The following CASK variants were observed in gnomAD, a reference collection of about 807,000 sequenced individuals.
The protein encoded by CASK is peripheral plasma membrane protein CASK.
A neutral mutation model predicts 82.9 loss-of-function variants in CASK; 4 were observed. The ratio of observed to expected loss-of-function variants is 0.05; its 90% CI spans 0.02 to 0.11. The LOEUF (loss-of-function observed/expected upper bound fraction) is 0.11. CASK is among the 10% of genes least tolerant of loss of function. The pLI, the probability that CASK is intolerant of heterozygous loss-of-function variation, is 1.00. For missense variants in CASK, 358 were observed against 720.9 expected (o/e 0.50, Z 5.76); for synonymous variants, 259 against 253.5 (o/e 1.02, Z -0.20).
intron 10 of CASK, among the ~76,000 whole-genome samples, chrX:41,626,197 C>T (rs368495115): frequency 9.1e-6 from 1 of 110,225 alleles, no homozygotes; most frequent in Non-Finnish European, 1.9e-5. Flanking sequence ...CCATTCAAAG[C>T]AGTGCTGCCC....
intron 22 of CASK, among the ~76,000 whole-genome samples, chrX:41,541,674 C>G (rs1051963865): frequency 8.9e-6 from 1 of 112,068 alleles, no homozygotes; most frequent in African/African-American, 3.2e-5. Flanking sequence ...GAGAAATGAA[C>G]AATTCAGAGT....
chrX:41,584,817 A>G (rs2065633643), intron 14 of CASK: 1 of 112,373 alleles, frequency 8.9e-6, no homozygotes, highest in Non-Finnish European at 1.9e-5. Flanking sequence ...CTGGGGAAAC[A>G]CAGCACATAT....
At chrX:41,812,826 G>A (rs930036673) in intron 2 of CASK, among the ~76,000 whole-genome samples, 1 of 111,788 alleles carries the variant, frequency 8.9e-6, no homozygotes, top group African/African-American at 3.3e-5. Flanking sequence ...TGACATGATT[G>A]TATGTTTAGA....
chrX:41,858,230 G>A (rs531091808), intron 1 of CASK, among the ~76,000 whole-genome samples: 89 of 112,247 alleles, frequency 7.9e-4, no homozygotes, highest in East Asian at 2.8e-4. Context: ...CAGGCACAGA[G>A]GACAACCAAT....
rs971752136 is a variant in CASK at position 41,546,263 on chromosome X, C to T, written c.2040-3457G>A. ...GTGCTGAGATTACAGGTGTGAGCCACGGAGCCTGGCCTAATTTTTGTATTT... is the reference window on the plus strand; with the variant it reads ...GTGCTGAGATTACAGGTGTGAGCCATGGAGCCTGGCCTAATTTTTGTATTT... On this transcript the variant is annotated intron_variant, in intron 21 of 26. Coordinates refer to ENST00000378163, the MANE Select transcript of CASK (RefSeq NM_001367721.1). Among the ~76,000 whole-genome samples, 5 of 110,685 alleles carry T rather than the reference C, an allele frequency of 4.5e-5. No individual in the cohort carries two copies. The East Asian group carries it at 1.1e-3, about 25-fold the overall frequency.
intron 5 of CASK, among the ~76,000 whole-genome samples, chrX:41,691,938 A>T (rs1335120961): frequency 1.9e-5 from 2 of 107,629 alleles, no homozygotes; most frequent in African/African-American, 6.8e-5. Flanking sequence ...TATTTTAGAG[A>T]CAGGTTCATG....
intron 16 of CASK, 134 bp downstream of exon 16, chrX:41,569,531 TAGG>T: frequency 2.2e-6 from 1 of 460,346 alleles, no homozygotes; most frequent in East Asian, 3.7e-5. Context: ...TGCTTGCACT[TAGG>T]AGCTCAAGAC....
chrX:41,854,224 G>GCACACACACACACACACACA (rs4007745), intron 1 of CASK, among the ~76,000 whole-genome samples: 1 of 81,716 alleles, frequency 1.2e-5, no homozygotes, highest in African/African-American at 4.6e-5. Flanking sequence ...GCGGGCGCGC[G>GCACACACACACACACACACA]CACACACACA....
chrX:41,560,007 C>T (rs183806348), intron 17 of CASK, among the ~76,000 whole-genome samples, 160 bp from the exon 18 acceptor site: 3 of 112,351 alleles, frequency 2.7e-5, no homozygotes, highest in Non-Finnish European at 5.6e-5. Flanking sequence ...AGGGACTGCT[C>T]GAGTTAACAG....
intron 2 of CASK, among the ~76,000 whole-genome samples, chrX:41,829,268 C>G (rs1470756650): frequency 9.0e-6 from 1 of 111,151 alleles, no homozygotes; most frequent in East Asian, 2.8e-4. Context: ...TAGCTCCCAT[C>G]ATGTCCCCTC....
At chrX:41,704,112 T>C (rs1286058259) in intron 5 of CASK, among the ~76,000 whole-genome samples, 3 of 110,834 alleles carry the variant, frequency 2.7e-5, no homozygotes, top group Non-Finnish European at 5.7e-5. Flanking sequence ...TAGTTCTTTA[T>C]ATATTCTGGG....
chrX:41,859,306 G>A (rs919701215), intron 1 of CASK, among the ~76,000 whole-genome samples: 1 of 111,908 alleles, frequency 8.9e-6, no homozygotes, highest in South Asian at 3.7e-4. Context: ...CACACACAAA[G>A]TTGATATACA....
At chrX:41,531,349 C>T (rs1240238236) in intron 24 of CASK, 140 bp from the exon 25 acceptor site, 2 of 540,429 alleles carry the variant, frequency 3.7e-6, no homozygotes, top group Non-Finnish European at 6.5e-6. Context: ...TGTTCTCACC[C>T]CCAGTGGCTT....
intron 5 of CASK, chrX:41,727,591 A>G (rs2068285820): frequency 1.7e-6 from 2 of 1,205,180 alleles, no homozygotes; most frequent in Non-Finnish European, 2.2e-6. Flanking sequence ...CCTATGCTAC[A>G]ATCGGCAGAT....
chrX:41,587,754 G>A (rs748726606), intron 13 of CASK: 14 of 112,129 alleles, frequency 1.2e-4, no homozygotes, highest in South Asian at 3.7e-4. Context: ...CACCAGGATG[G>A]AGTTTACCTG....
At chrX:41,712,071 T>A (rs1375788152) in intron 5 of CASK, among the ~76,000 whole-genome samples, 1 of 112,162 alleles carries the variant, frequency 8.9e-6, no homozygotes, top group Non-Finnish European at 1.9e-5. Flanking sequence ...TAGGGGGGCG[T>A]TGCTGGCCAT....
intron 1 of CASK, among the ~76,000 whole-genome samples, chrX:41,885,927 G>T (rs1263226844): frequency 8.9e-6 from 1 of 112,165 alleles, no homozygotes; most frequent in Non-Finnish European, 1.9e-5. Flanking sequence ...GTTTCATTAT[G>T]GTGAAGGGGA....
intron 14 of CASK, chrX:41,584,481 G>C (rs1482227937): frequency 1.8e-5 from 2 of 110,008 alleles, no homozygotes; most frequent in Admixed American, 1.9e-4. Context: ...CAGGGTGGGT[G>C]GGGGTGGGGG....
chrX:41,536,751 T>C (rs565000280), intron 22 of CASK, among the ~76,000 whole-genome samples: 6 of 112,018 alleles, frequency 5.4e-5, no homozygotes, highest in African/African-American at 1.9e-4. Flanking sequence ...AACCAAGAAA[T>C]GTTTTCTGTG....
Sources: gnomAD v4.1 joint callset for allele counts (sites outside exome capture counted in the v4.1 genomes callset) on GRCh38, gnomAD v4.1.1 for gene constraint, MANE v1.5 for transcripts, NCBI Gene and HGNC (gene_info 2026-07-23, HGNC 2026-07-21) for gene names.